The following DCAF5 variants were observed in gnomAD, a reference collection of about 807,000 sequenced individuals.
DCAF5 encodes DDB1- and CUL4-associated factor 5.
A neutral mutation model predicts 80.7 loss-of-function variants in DCAF5; 9 were observed. The ratio of observed to expected loss-of-function variants is 0.11; its 90% CI spans 0.07 to 0.19. DCAF5 has a LOEUF of 0.19. Ranked by LOEUF, DCAF5 falls within the 10% of genes least tolerant of loss-of-function variation. The pLI is 1.00. For missense variants in DCAF5, 842 were observed against 1,205.7 expected (o/e 0.70, Z 4.47); for synonymous variants, 433 against 461.9 (o/e 0.94, Z 0.80).
intron 1 of DCAF5, among the ~76,000 whole-genome samples, chr14:69,149,245 A>G (rs2140131898): frequency 6.6e-6 from 1 of 152,350 alleles, no homozygotes; most frequent in Non-Finnish European, 1.5e-5. Flanking sequence ...AGATTAAACA[A>G]ATGACACAGC....
intron 5 of DCAF5, 30 bp downstream of exon 5, chr14:69,116,336 T>C: frequency 6.2e-7 from 1 of 1,600,824 alleles, no homozygotes; most frequent in Non-Finnish European, 8.5e-7. Context: ...CAGAGGAAAG[T>C]TTTAACACCT....
intron 5 of DCAF5, among the ~76,000 whole-genome samples, chr14:69,110,488 T>C (rs1259754433): frequency 6.6e-6 from 1 of 151,988 alleles, no homozygotes; most frequent in African/African-American, 2.4e-5. Context: ...CAGGCTGGTC[T>C]CAAACTCCTG....
intron 7 of DCAF5, among the ~76,000 whole-genome samples, chr14:69,073,778 G>C (rs988158478): frequency 6.6e-6 from 1 of 152,166 alleles, no homozygotes; most frequent in Non-Finnish European, 1.5e-5. Flanking sequence ...GGAGAAGAAG[G>C]ATTATCCACA....
chr14:69,146,154 C>T (rs2041531551), intron 1 of DCAF5, among the ~76,000 whole-genome samples: 1 of 152,202 alleles, frequency 6.6e-6, no homozygotes, highest in African/African-American at 2.4e-5. Flanking sequence ...TAACTGAGGA[C>T]TCTTGCTCTC....
chr14:69,091,176 G>C (rs757276544), intron 6 of DCAF5: 1 of 718,342 alleles, frequency 1.4e-6, no homozygotes, highest in Admixed American at 1.9e-5. Flanking sequence ...AAAAGAAAAA[G>C]AGTCAGCATC....
At position 69,118,353 on chromosome 14, in the gene DCAF5, C is replaced by T. The variant is rs919451261; in HGVS notation, c.396-75G>A. On this transcript the variant is annotated intron_variant, in intron 3 of 8. Coordinates refer to ENST00000341516, the MANE Select transcript of DCAF5 (RefSeq NM_003861.3). This position sits in a 1 kb window ranked among gnomAD's most constrained non-coding sequence, Gnocchi z 4.0. ...GTGCAGAGTCCCAGCACTTTGGTACCGAGGGTGCCATCTTTTCCATTTCTA... is the reference window on the plus strand; with the variant it reads ...GTGCAGAGTCCCAGCACTTTGGTACTGAGGGTGCCATCTTTTCCATTTCTA... The T allele has an allele frequency of 9.1e-6, 13 of 1,426,810 alleles. No individual in the cohort carries two copies. The highest frequency in any genetic ancestry group is 7.0e-5 in the African/African-American group (5 of 70,958). The allele number at this position is 1,426,810 out of a possible 1,614,324, so 88.4% of individuals were successfully genotyped here. A position where few individuals can be genotyped will look rare whatever the true frequency, so the allele number is the denominator to read the frequency against.
intron 5 of DCAF5, among the ~76,000 whole-genome samples, chr14:69,101,179 A>G (rs947269881): frequency 3.9e-5 from 6 of 152,186 alleles, no homozygotes; most frequent in Non-Finnish European, 8.8e-5. Flanking sequence ...GTTCAACAAG[A>G]TTTCACAGAA....
At position 69,052,781 on chromosome 14, in the gene DCAF5, C is replaced by T. The variant is rs997188689; in HGVS notation, c.*1076G>A. 1.3e-5 allele frequency: 2 copies of T among 152,286 alleles called. No homozygotes were observed. The highest frequency in any genetic ancestry group is 2.4e-5 in the African/African-American group (1 of 41,470). The allele number at this position is 152,286 out of a possible 1,614,324, so 9.4% of individuals were successfully genotyped here. On this transcript the variant is annotated 3_prime_UTR_variant, in exon 9 of 9. Coordinates refer to ENST00000341516, the MANE Select transcript of DCAF5 (RefSeq NM_003861.3). ...TCTGCAAAGTCTAGTGAGAACACCA[C>T]AGCCTCTATCAACTGCAAGTCTGAG...
chr14:69,122,396 C>G (rs891226898), intron 1 of DCAF5, 36 bp from the exon 2 acceptor site: 3 of 1,587,754 alleles, frequency 1.9e-6, no homozygotes, highest in African/African-American at 2.7e-5. Context: ...CTTAAAACAG[C>G]TGACATCGCA....
At chr14:69,111,374 G>A (rs1240364584) in intron 5 of DCAF5, among the ~76,000 whole-genome samples, 1 of 152,174 alleles carries the variant, frequency 6.6e-6, no homozygotes, top group Non-Finnish European at 1.5e-5. Context: ...ATTTACACAA[G>A]TGAAAGCACC....
chr14:69,113,525 C>T (rs760090162), intron 5 of DCAF5, among the ~76,000 whole-genome samples: 2 of 152,138 alleles, frequency 1.3e-5, no homozygotes, highest in South Asian at 4.1e-4. Flanking sequence ...AAAATCTCTC[C>T]CTACACTTGA....
At chr14:69,097,382 T>C (rs181832533) in intron 5 of DCAF5, among the ~76,000 whole-genome samples, 120 of 152,188 alleles carry the variant, frequency 7.9e-4, no homozygotes, top group Non-Finnish European at 1.4e-3. Context: ...CTCAGAACAA[T>C]AGCTTTAAAA....
intron 5 of DCAF5, among the ~76,000 whole-genome samples, chr14:69,101,778 A>C (rs1362880464): frequency 6.6e-6 from 1 of 152,228 alleles, no homozygotes; most frequent in African/African-American, 2.4e-5. Context: ...ATGTTACTAT[A>C]TGTTATTATA....
At chr14:69,121,779 C>A (rs1205227084) in intron 2 of DCAF5, among the ~76,000 whole-genome samples, 2 of 152,082 alleles carry the variant, frequency 1.3e-5, no homozygotes, top group African/African-American at 4.8e-5. Flanking sequence ...TGTACCCTAA[C>A]ACAACACTTT....
At chr14:69,143,677 C>T (rs2041446485) in intron 1 of DCAF5, among the ~76,000 whole-genome samples, 1 of 148,214 alleles carries the variant, frequency 6.7e-6, no homozygotes, top group African/African-American at 2.5e-5. Flanking sequence ...GAAACAATGA[C>T]AGTTACATTT....
intron 7 of DCAF5, among the ~76,000 whole-genome samples, chr14:69,067,479 G>A (rs548216301): frequency 8.6e-5 from 13 of 151,444 alleles, no homozygotes; most frequent in Non-Finnish European, 1.5e-5. Flanking sequence ...TAGTAGCTGA[G>A]ACTATAGGGA....
intron 5 of DCAF5, among the ~76,000 whole-genome samples, chr14:69,108,338 T>A (rs180814002): frequency 5.3e-4 from 81 of 152,288 alleles, no homozygotes; most frequent in African/African-American, 1.9e-3. Context: ...AACTATGACA[T>A]GAACACGTAA....
chr14:69,131,460 T>C (rs1227257100), intron 1 of DCAF5, among the ~76,000 whole-genome samples: 4 of 152,212 alleles, frequency 2.6e-5, no homozygotes, highest in African/African-American at 9.6e-5. Flanking sequence ...CGTCAGTGGA[T>C]GGAAAATAAG....
intron 5 of DCAF5, among the ~76,000 whole-genome samples, chr14:69,112,382 C>A (rs994601868): frequency 5.9e-5 from 9 of 151,962 alleles, no homozygotes; most frequent in Non-Finnish European, 1.3e-4. Flanking sequence ...TGAAAAAGTT[C>A]TATTGTAAGG....
Sources: allele counts gnomAD v4.1 joint callset (sites outside exome capture counted in the v4.1 genomes callset), GRCh38; gene constraint gnomAD v4.1.1; non-coding constraint Gnocchi (gnomAD v3.1); transcripts MANE v1.5; gene names NCBI Gene and HGNC (gene_info 2026-07-23, HGNC 2026-07-21).